Variants in POMGNT1 observed in about 807,000 individuals in gnomAD.
The protein encoded by POMGNT1 is protein O-linked-mannose beta-1,2-N-acetylglucosaminyltransferase 1.
POMGNT1 carries 67 observed loss-of-function variants against 95.6 expected under a neutral mutation model. The ratio of observed to expected loss-of-function variants is 0.70; its 90% CI spans 0.58 to 0.86. The LOEUF is 0.86. Ranked by LOEUF, POMGNT1 falls within the 40% of genes least tolerant of loss-of-function variation. The pLI is 0.00. For synonymous variants in POMGNT1, 298 were observed against 317.9 expected (o/e 0.94, Z 0.66); for missense variants, 719 against 855.2 (o/e 0.84, Z 1.99).
At chr1:46,209,537 C>CTT (rs55948355) in intron 1 of POMGNT1, among the ~76,000 whole-genome samples, 1,619 of 139,820 alleles carry the variant, frequency 0.012, 28 homozygotes, top group African/African-American at 0.037. Context: ...TTGTTGTTTT[C>CTT]TTTTTTTTTT....
At chr1:46,201,697 CAAAAAAA>C (rs59930051), upstream of POMGNT1, among the ~76,000 whole-genome samples, 13 of 85,962 alleles carry the variant, frequency 1.5e-4, no homozygotes, top group East Asian at 4.5e-4. Flanking sequence ...GACTCCATCT[CAAAAAAA>C]AAAAAAAAAA....
chr1:46,189,577 G>A lies in POMGNT1; in HGVS notation c.1786-10C>T, dbSNP rs975980948. 1 of 1,606,390 alleles carries A rather than the reference G, an allele frequency of 6.2e-7. No homozygotes were observed. Among genetic ancestry groups the A allele is most frequent in the African/African-American group, 1.3e-5 (1 of 74,802 alleles). On this transcript the variant is annotated splice_polypyrimidine_tract_variant and intron_variant, in intron 20 of 21. Coordinates refer to ENST00000371984, the MANE Select transcript of POMGNT1 (RefSeq NM_017739.4). ...CCCAGATATGGAGGCACTAGTGAGG[G>A]TGGGATGGAGACAGAGACATGGGTC...
chr1:46,189,615 G>A (rs774497975), intron 20 of POMGNT1, 48 bp from the exon 21 acceptor site: 1 of 1,579,406 alleles, frequency 6.3e-7, no homozygotes, highest in Non-Finnish European at 8.6e-7. Flanking sequence ...AGAGCTGTAG[G>A]GAGGGGTCAC....
At chr1:46,195,582 C>T (rs1658166416) in intron 6 of POMGNT1, 1 of 600,394 alleles carries the variant, frequency 1.7e-6, no homozygotes, top group Non-Finnish European at 3.1e-6. Context: ...GGTGGGGACT[C>T]TGTCTTGTTT....
At chr1:46,207,239 C>CTTTTGTATTTTTA (rs2148238645) in intron 1 of POMGNT1, among the ~76,000 whole-genome samples, 1 of 152,206 alleles carries the variant, frequency 6.6e-6, no homozygotes, top group South Asian at 2.1e-4. Flanking sequence ...TGCCACCACA[C>CTTTTGTATTTTTA]CTAGCTAGCT....
intron 14 of POMGNT1, 144 bp downstream of exon 14, chr1:46,192,756 G>T: frequency 1.3e-6 from 2 of 1,580,326 alleles, no homozygotes; most frequent in Non-Finnish European, 1.7e-6. Flanking sequence ...TTCAACAGCA[G>T]CCCCAACACC....
At chr1:46,198,631 G>A (rs1043780118), upstream of POMGNT1, among the ~76,000 whole-genome samples, 1 of 152,200 alleles carries the variant, frequency 6.6e-6, no homozygotes, top group Non-Finnish European at 1.5e-5. Context: ...GCTGGCTGGT[G>A]GGGCTGCCTG....
At chr1:46,220,228 T>C in exon 1 of POMGNT1, 1 of 1,592,148 alleles carries the variant, frequency 6.3e-7, no homozygotes, top group Non-Finnish European at 8.6e-7. Flanking sequence ...TAACAACTAT[T>C]CCACCCTTTT....
intron 1 of POMGNT1, among the ~76,000 whole-genome samples, chr1:46,216,425 T>C (rs1659072911): frequency 1.3e-5 from 2 of 152,174 alleles, no homozygotes; most frequent in Non-Finnish European, 2.9e-5. Flanking sequence ...CACTGCAGCC[T>C]TGACCCCCCA....
upstream of POMGNT1, among the ~76,000 whole-genome samples, chr1:46,200,688 T>C (rs573269059): frequency 6.6e-6 from 1 of 152,382 alleles, no homozygotes; most frequent in South Asian, 2.1e-4. Flanking sequence ...TCTTACCTCC[T>C]AAAGAGCCTT....
At chr1:46,190,158 C>T in intron 19 of POMGNT1, 169 bp from the exon 20 acceptor site, 2 of 822,316 alleles carry the variant, frequency 2.4e-6, no homozygotes, top group East Asian at 2.7e-5. Context: ...GAGTCTCCTG[C>T]CTCAGCCTCC....
intron 1 of POMGNT1, among the ~76,000 whole-genome samples, chr1:46,211,410 C>T (rs1571686848): frequency 1.3e-5 from 2 of 149,604 alleles, no homozygotes; most frequent in African/African-American, 4.9e-5. Context: ...GGCTATGGGG[C>T]TTATGAGCCA....
intron 1 of POMGNT1, among the ~76,000 whole-genome samples, chr1:46,210,457 G>T (rs1195305523): frequency 6.6e-6 from 1 of 152,046 alleles, no homozygotes; most frequent in Non-Finnish European, 1.5e-5. Context: ...CATCCCACAG[G>T]TTGAGGGCTC....
chr1:46,192,594 A>G lies in POMGNT1; in HGVS notation c.1212-4T>C. On this transcript the variant is annotated splice_polypyrimidine_tract_variant and splice_region_variant and intron_variant, in intron 14 of 21. Transcript: ENST00000371984. ...GTGGATGGATTGGCTCAGGAAACTG[A>G]GAGAGGCAGGGTCAAAGAGTTCAGG... 6.2e-7 allele frequency: 1 copy of G among 1,613,972 alleles called. No homozygotes were observed. The highest frequency in any genetic ancestry group is 8.5e-7 in the Non-Finnish European group (1 of 1,179,996).
chr1:46,197,771 C>A lies in POMGNT1; in HGVS notation c.51G>T (p.Lys17Asn). The A allele has an allele frequency of 3.1e-6, 5 of 1,614,192 alleles. No individual in the cohort carries two copies. Among genetic ancestry groups the A allele is most frequent in the Non-Finnish European group, 4.2e-6 (5 of 1,180,034 alleles). Reference protein sequence around the residue: ...SPLIKPFGARKKRSWYLTWKY... With the variant: ...SPLIKPFGARNKRSWYLTWKY... ...TCCAGGTAAGGTACCAGCTCCGCTT[C>A]TTCCGAGCCCCAAAGGGCTTGATGA... Residue 17 changes from lysine (K) to asparagine (N), a missense_variant, in exon 2 of 22, where the codon AAG (lysine) becomes AAT (asparagine). Physicochemically the swap from Lys to Asn is moderately conservative, Grantham distance 94. Around this residue, in one of 5 missense-constraint regions of POMGNT1, gnomAD observed 466 missense variants for 517.4 expected, o/e 0.90. Coordinates refer to ENST00000371984, the MANE Select transcript of POMGNT1 (RefSeq NM_017739.4).
chr1:46,196,805 C>A lies in POMGNT1; in HGVS notation c.280G>T (p.Gly94Cys), dbSNP rs762660219. ...TCTACGTCCAGGACCCGCCGGGGAC[C>A]ACTGCCTCTGCGCCGTGGGGGCTCC... ...RLEPPRRRGS[G>C]PRRVLDVEVY... Residue 94 changes from glycine (G) to cysteine (C), a missense_variant, in exon 4 of 22, where the codon GGT becomes TGT. By Grantham distance (159) the Gly-to-Cys change is radical (BLOSUM62 -3). Transcript: ENST00000371984. The surrounding 1 kb of genome is among the most constrained non-coding windows in gnomAD (Gnocchi z 4.4). The A allele has an allele frequency of 1.2e-6, 2 of 1,614,224 alleles. No homozygotes were observed.
chr1:46,216,677 G>T (rs955525796), intron 1 of POMGNT1, among the ~76,000 whole-genome samples: 1 of 151,986 alleles, frequency 6.6e-6, no homozygotes, highest in South Asian at 2.1e-4. Context: ...GGGTACCTGC[G>T]CAGGTTTGTT....
chr1:46,189,378 T>A, intron 21 of POMGNT1, 21 bp from the exon 22 acceptor site: 1 of 1,613,934 alleles, frequency 6.2e-7, no homozygotes, highest in South Asian at 1.1e-5. Context: ...AATACAAGAA[T>A]GTATAGAGAA....
intron 1 of POMGNT1, among the ~76,000 whole-genome samples, chr1:46,215,146 A>T (rs1659025311): frequency 6.6e-6 from 1 of 151,560 alleles, no homozygotes; most frequent in Non-Finnish European, 1.5e-5. Flanking sequence ...GAATGGCGTG[A>T]ACCCGGGAGG....
Sources: gnomAD v4.1 joint callset for allele counts (sites outside exome capture counted in the v4.1 genomes callset) on GRCh38, gnomAD v4.1.1 for gene constraint, gnomAD v4.1.1 regional missense constraint, Gnocchi (gnomAD v3.1) non-coding constraint, MANE v1.5 for transcripts, NCBI Gene and HGNC (gene_info 2026-07-23, HGNC 2026-07-21) for gene names.